Variants in MAPK10 observed in about 807,000 individuals in gnomAD.
MAPK10 encodes mitogen-activated protein kinase 10, also known as JNK3 alpha protein kinase.
MAPK10 carries 25 observed loss-of-function variants against 59.3 expected under a neutral mutation model. The observed-to-expected ratio is 0.42, with a 90% confidence interval of 0.31 to 0.59. The LOEUF (loss-of-function observed/expected upper bound fraction) is 0.59. Among genes scored for constraint, MAPK10 ranks in the 20% least tolerant of loss-of-function variants. The probability of loss-of-function intolerance (pLI) is 0.15; values close to 1 mark genes in which losing one functional copy is unlikely to be tolerated. For missense variants in MAPK10, 351 were observed against 568.9 expected (o/e 0.62, Z 3.90); for synonymous variants, 190 against 200.5 (o/e 0.95, Z 0.44).
At chr4:86,350,926 T>C (rs181471121) in intron 2 of MAPK10, among the ~76,000 whole-genome samples, 7 of 152,324 alleles carry the variant, frequency 4.6e-5, no homozygotes, top group African/African-American at 1.7e-4. Context: ...AATAGGTTGA[T>C]TGTGTCATCA....
chr4:86,371,922 C>A (rs1738822437), intron 1 of MAPK10, among the ~76,000 whole-genome samples: 1 of 152,106 alleles, frequency 6.6e-6, no homozygotes, highest in Non-Finnish European at 1.5e-5. Flanking sequence ...GACTCCCACA[C>A]AATAATAGTG....
chr4:86,299,832 A>T (rs1584304107), intron 2 of MAPK10, among the ~76,000 whole-genome samples: 1 of 152,178 alleles, frequency 6.6e-6, no homozygotes, highest in East Asian at 1.9e-4. Context: ...AAACTAGAAT[A>T]TTATATGGTA....
chr4:86,137,553 A>G (rs1453664000), intron 4 of MAPK10, among the ~76,000 whole-genome samples: 29 of 132,702 alleles, frequency 2.2e-4, no homozygotes, highest in Non-Finnish European at 3.6e-4. Context: ...AGGGAAATTT[A>G]TAGCACTAAA....
intron 1 of MAPK10, among the ~76,000 whole-genome samples, chr4:86,479,951 T>G (rs4404513): frequency 0.37 from 56,312 of 151,706 alleles, 10,799 homozygotes; most frequent in Admixed American, 0.42. Flanking sequence ...GCTCGAAGCA[T>G]CCCTGAGAAA....
chr4:86,289,684 A>G (rs1485481608), intron 2 of MAPK10, among the ~76,000 whole-genome samples: 1 of 150,798 alleles, frequency 6.6e-6, no homozygotes, highest in Non-Finnish European at 1.5e-5. Context: ...ATAATATATA[A>G]TAGTGCTATA....
At chr4:86,348,340 G>A (rs1729346202) in intron 2 of MAPK10, among the ~76,000 whole-genome samples, 1 of 152,142 alleles carries the variant, frequency 6.6e-6, no homozygotes, top group Non-Finnish European at 1.5e-5. Flanking sequence ...AAATAGGAAT[G>A]TTCAGTAGTA....
At chr4:86,423,299 C>T (rs1260307098) in intron 1 of MAPK10, among the ~76,000 whole-genome samples, 1 of 152,092 alleles carries the variant, frequency 6.6e-6, no homozygotes, top group Non-Finnish European at 1.5e-5. Flanking sequence ...ATTCCAATGG[C>T]CTTCCCATTC....
At chr4:86,185,147 G>C (rs1415421483) in intron 3 of MAPK10, among the ~76,000 whole-genome samples, 1 of 152,174 alleles carries the variant, frequency 6.6e-6, no homozygotes, top group African/African-American at 2.4e-5. Flanking sequence ...TTGTGAGCCT[G>C]TGTGAACTGG....
At chr4:86,381,960 A>G (rs562502070) in intron 1 of MAPK10, among the ~76,000 whole-genome samples, 35 of 152,090 alleles carry the variant, frequency 2.3e-4, no homozygotes, top group African/African-American at 7.7e-4. Flanking sequence ...AACCCTTGAC[A>G]TTGTTTTTCC....
intron 9 of MAPK10, among the ~76,000 whole-genome samples, chr4:86,094,021 A>C (rs2149056502): frequency 6.6e-6 from 1 of 152,060 alleles, no homozygotes; most frequent in South Asian, 2.1e-4. Context: ...TAATTCTAAG[A>C]AAAAGAGTTA....
At chr4:86,153,818 G>A (rs920798398) in intron 4 of MAPK10, among the ~76,000 whole-genome samples, 1 of 152,046 alleles carries the variant, frequency 6.6e-6, no homozygotes. Context: ...CTATTCTGCT[G>A]GGCCATCACC....
intron 1 of MAPK10, among the ~76,000 whole-genome samples, chr4:86,525,642 T>C (rs886987783): frequency 4.6e-5 from 7 of 152,170 alleles, no homozygotes; most frequent in Non-Finnish European, 8.8e-5. Flanking sequence ...GGTTGTACAA[T>C]ATAAACACAG....
At chr4:86,366,503 T>A (rs1478789759) in intron 1 of MAPK10, among the ~76,000 whole-genome samples, 5 of 151,990 alleles carry the variant, frequency 3.3e-5, no homozygotes, top group Non-Finnish European at 7.4e-5. Context: ...GAATATCTAG[T>A]CCCATACCCT....
At chr4:86,321,818 A>G (rs1554208574) in intron 2 of MAPK10, 1 of 152,096 alleles carries the variant, frequency 6.6e-6, no homozygotes, top group Non-Finnish European at 1.5e-5. Flanking sequence ...CAAGACAGAT[A>G]TGTACTGCTC....
chr4:86,070,614 T>C (rs1268201399), intron 9 of MAPK10, among the ~76,000 whole-genome samples: 1 of 147,488 alleles, frequency 6.8e-6, no homozygotes, highest in Non-Finnish European at 1.5e-5. Context: ...ATTGTTCAAT[T>C]CCCACCTATG....
intron 2 of MAPK10, among the ~76,000 whole-genome samples, chr4:86,295,648 T>C (rs1017023788): frequency 1.3e-5 from 2 of 151,138 alleles, no homozygotes; most frequent in South Asian, 4.2e-4. Flanking sequence ...ACAAAAGAAA[T>C]AAAAACATGG....
intron 1 of MAPK10, among the ~76,000 whole-genome samples, chr4:86,573,790 T>A (rs1036104468): frequency 6.6e-5 from 10 of 152,202 alleles, no homozygotes; most frequent in Non-Finnish European, 1.0e-4. Context: ...AATATAGAAA[T>A]TTTCCACATT....
intron 1 of MAPK10, among the ~76,000 whole-genome samples, chr4:86,515,888 T>G (rs566522680): frequency 3.3e-5 from 5 of 151,970 alleles, no homozygotes; most frequent in South Asian, 2.1e-4. Context: ...TGTTGTTGTT[T>G]TTTTTTTGTT....
intron 4 of MAPK10, among the ~76,000 whole-genome samples, chr4:86,138,767 G>T (rs1273852125): frequency 6.6e-6 from 1 of 151,786 alleles, no homozygotes; most frequent in Non-Finnish European, 1.5e-5. Flanking sequence ...CAGATGACAT[G>T]ACTGTATATC....
Sources: allele counts gnomAD v4.1 joint callset (sites outside exome capture counted in the v4.1 genomes callset), GRCh38; gene constraint gnomAD v4.1.1; transcripts MANE v1.5; gene names NCBI Gene and HGNC (gene_info 2026-07-23, HGNC 2026-07-21).